Variants in CYRIB observed in about 807,000 individuals in gnomAD.
CYRIB encodes CYFIP related Rac1 interactor B.
CYRIB carries 8 observed loss-of-function variants against 44.2 expected under a neutral mutation model. That is an observed-to-expected ratio of 0.18 (90% CI 0.11 to 0.33). The LOEUF (loss-of-function observed/expected upper bound fraction) is 0.33. CYRIB is among the 10% of genes least tolerant of loss of function. The probability of loss-of-function intolerance (pLI) is 1.00; values close to 1 mark genes in which losing one functional copy is unlikely to be tolerated. For synonymous variants in CYRIB, 131 were observed against 127.2 expected (o/e 1.03, Z -0.20); for missense variants, 185 against 382.8 (o/e 0.48, Z 4.31).
chr8:129,993,183 G>A (rs1288790100), intron 1 of CYRIB, among the ~76,000 whole-genome samples: 1 of 152,016 alleles, frequency 6.6e-6, no homozygotes, highest in African/African-American at 2.4e-5. Flanking sequence ...TTGAGGTCAG[G>A]AGTTCGAGAC....
intron 4 of CYRIB, among the ~76,000 whole-genome samples, chr8:129,864,274 A>G (rs1400865490): frequency 6.6e-6 from 1 of 152,278 alleles, no homozygotes; most frequent in Non-Finnish European, 1.5e-5. Flanking sequence ...AACATGTAAC[A>G]ATCCTTTGTT....
At chr8:129,883,494 G>A (rs2061569906) in intron 2 of CYRIB, among the ~76,000 whole-genome samples, 1 of 152,096 alleles carries the variant, frequency 6.6e-6, no homozygotes, top group Admixed American at 6.5e-5. Flanking sequence ...AGTTTTCAAA[G>A]CTCTAAAAAC....
chr8:129,879,401 G>C (rs1318256464), exon 3 of CYRIB: 1 of 1,610,276 alleles, frequency 6.2e-7, no homozygotes, highest in Admixed American at 1.7e-5. Context: ...TCAAAATCAA[G>C]GAAAAAATTT....
At chr8:129,902,694 G>A (rs1057461946) in intron 2 of CYRIB, among the ~76,000 whole-genome samples, 1 of 152,094 alleles carries the variant, frequency 6.6e-6, no homozygotes, top group Non-Finnish European at 1.5e-5. Flanking sequence ...AACACGGAAA[G>A]GGATTTTAAG....
intron 9 of CYRIB, 147 bp from the exon 12 acceptor site, chr8:129,849,516 T>C: frequency 4.5e-6 from 3 of 665,848 alleles, no homozygotes; most frequent in South Asian, 2.4e-5. Context: ...GTAGCCACAC[T>C]GATACATTCA....
At chr8:129,943,592 CTTTTTTTTTTTTTTT>C (rs1172470025), upstream of CYRIB, among the ~76,000 whole-genome samples, 1 of 96,190 alleles carries the variant, frequency 1.0e-5, no homozygotes, top group Non-Finnish European at 1.9e-5. Flanking sequence ...GAGACTCCAT[CTTTTTTTTTTTTTTT>C]TTTTTTTTGA....
At chr8:129,877,664 G>A (rs1193347295) in intron 3 of CYRIB, among the ~76,000 whole-genome samples, 1 of 21,932 alleles carries the variant, frequency 4.6e-5, no homozygotes, top group Non-Finnish European at 7.5e-5. Context: ...AAAAAAAAAG[G>A]TGTGTGTGTG....
rs756984481 is a variant in CYRIB, at chr8:129,842,221, A to G, written c.912-16T>C. 1 of 1,573,520 alleles carries G rather than the reference A, an allele frequency of 6.4e-7. No individual in the cohort carries two copies. On this transcript the variant is annotated splice_polypyrimidine_tract_variant and intron_variant, in intron 11 of 11. Transcript: ENST00000519824. ...TGTTGTGTACCTAAAAAAAGAAAAG[A>G]AAAAAGATCAATTTTAGGAACTTAA... is the stretch of plus-strand genomic sequence containing the variant.
intron 1 of CYRIB, among the ~76,000 whole-genome samples, chr8:129,935,400 T>C (rs781031334): frequency 8.5e-5 from 13 of 152,268 alleles, no homozygotes; most frequent in South Asian, 2.1e-4. Flanking sequence ...CCACCTCAGA[T>C]CACCAAGCGT....
At chr8:129,920,136 T>C (rs532082197) in intron 1 of CYRIB, among the ~76,000 whole-genome samples, 31 of 151,936 alleles carry the variant, frequency 2.0e-4, no homozygotes, top group Non-Finnish European at 3.8e-4. Context: ...TACTCTTTCA[T>C]GGTCAGAGTA....
chr8:129,993,948 T>A (rs1314580498), intron 1 of CYRIB, among the ~76,000 whole-genome samples: 2 of 152,068 alleles, frequency 1.3e-5, no homozygotes, highest in Non-Finnish European at 2.9e-5. Flanking sequence ...CATCATCCAG[T>A]TGTGTGTCTC....
chr8:129,922,695 C>T (rs1411398249), intron 1 of CYRIB, among the ~76,000 whole-genome samples: 1 of 150,502 alleles, frequency 6.6e-6, no homozygotes, highest in East Asian at 2.0e-4. Flanking sequence ...ACTCCTGTCT[C>T]AACTAAAAAT....
chr8:130,002,099 T>C (rs949028127), intron 1 of CYRIB, among the ~76,000 whole-genome samples: 4 of 152,212 alleles, frequency 2.6e-5, no homozygotes, highest in East Asian at 3.8e-4. Context: ...ATATCTTTTA[T>C]GAAGAGTCAT....
intron 1 of CYRIB, among the ~76,000 whole-genome samples, chr8:129,937,994 A>C (rs973263055): frequency 6.6e-6 from 1 of 152,164 alleles, no homozygotes; most frequent in Non-Finnish European, 1.5e-5. Flanking sequence ...CAAGCTCCCC[A>C]AAAACGAAGC....
At chr8:129,997,119 AAGGAGG>A (rs138647640) in intron 1 of CYRIB, among the ~76,000 whole-genome samples, 1 of 89,894 alleles carries the variant, frequency 1.1e-5, no homozygotes, top group African/African-American at 1.0e-4. Context: ...GGAAGGAAGG[AAGGAGG>A]AGGAGGAGGA....
At chr8:129,970,266 T>G (rs1243975126) in intron 2 of CYRIB, among the ~76,000 whole-genome samples, 2 of 152,030 alleles carry the variant, frequency 1.3e-5, no homozygotes, top group African/African-American at 4.8e-5. Flanking sequence ...CCAGTGAGGA[T>G]AGTTGGGAGT....
chr8:129,897,477 C>T (rs142393788), intron 2 of CYRIB, among the ~76,000 whole-genome samples: 7 of 151,774 alleles, frequency 4.6e-5, no homozygotes, highest in African/African-American at 1.2e-4. Context: ...CTTAACAAAC[C>T]ATTAAATATA....
Position 130,006,605 on chromosome 8 carries a change from T to C in CYRIB, c.-296+9765A>G, listed in dbSNP as rs868041861. Among the ~76,000 whole-genome samples the C allele has an allele frequency of 1.8e-3, 42 of 23,268 alleles. No homozygotes were observed. The African/African-American group carries it at 0.023, about 13-fold the overall frequency. The allele number at this position is 23,268 out of a possible 152,430, so 15.3% of individuals were successfully genotyped here. On this transcript the variant is annotated intron_variant, in intron 1 of 14. Coordinates refer to the CYRIB transcript ENST00000401979. Reference sequence around the variant, plus strand: ...ACTAAAAACACAAATTATATATATATACATATATATGTGTATATATATACA... The same window carrying C: ...ACTAAAAACACAAATTATATATATACACATATATATGTGTATATATATACA...
intron 4 of CYRIB, among the ~76,000 whole-genome samples, chr8:129,870,225 C>T (rs1039011853): frequency 5.3e-5 from 8 of 152,210 alleles, no homozygotes; most frequent in African/African-American, 1.9e-4. Flanking sequence ...GAGTTCAAGA[C>T]CAGCCTCGGC....
Sources: allele counts gnomAD v4.1 joint callset (sites outside exome capture counted in the v4.1 genomes callset), GRCh38; gene constraint gnomAD v4.1.1; transcripts MANE v1.5; gene names NCBI Gene and HGNC (gene_info 2026-07-23, HGNC 2026-07-21).